RBP3: variants seen among roughly 807,000 people sequenced by gnomAD.
RBP3 encodes the protein retinol-binding protein 3.
RBP3 carries 50 observed loss-of-function variants against 64.8 expected under a neutral mutation model. The observed-to-expected ratio is 0.77, with a 90% CI of 0.61 to 0.98. The LOEUF (loss-of-function observed/expected upper bound fraction) is 0.98. RBP3 is among the 50% of genes least tolerant of loss of function. RBP3 has a pLI of 0.00. For missense variants in RBP3, 1,712 were observed against 1,660.5 expected (o/e 1.03, Z -0.54); for synonymous variants, 828 against 730.2 (o/e 1.13, Z -2.16).
Position 47,351,146 on chromosome 10 carries a change from C to A in RBP3, c.2662C>A (p.Pro888Thr). The change falls in exon 1 of 4, where the codon CCC (proline) becomes ACC (threonine). Residue 888 changes from proline (P) to threonine (T), a missense_variant. Coordinates refer to ENST00000584701, the MANE Select transcript of RBP3 (RefSeq NM_002900.3). ...SVGIYQVGSSPLYASMPTQMA... is the reference protein window; with the variant it reads ...SVGIYQVGSSTLYASMPTQMA... ...GGGCATCTACCAGGTGGGCAGCAGC[C>A]CCTTATATGCATCCATGCCCACCCA... The A allele has an allele frequency of 6.2e-7, 1 of 1,613,058 alleles. No individual in the cohort carries two copies. Among genetic ancestry groups the A allele is most frequent in the South Asian group, 1.1e-5 (1 of 91,082 alleles).
In RBP3 at chr10:47,349,990, C is replaced by G; in HGVS notation, c.1506C>G (p.Gly502=). 6.2e-7 allele frequency: 1 copy of G among 1,612,914 alleles called. No individual in the cohort carries two copies. Among genetic ancestry groups the G allele is most frequent in the South Asian group, 1.1e-5 (1 of 91,036 alleles). ...LLSYFQGPEA[G]PVHLFTTYDR... ...CCTACTTCCAGGGCCCTGAGGCCGG[C>G]CCCGTGCACCTCTTCACCACCTATG... Residue 502 remains glycine, a synonymous_variant, in exon 1 of 4, where the codon GGC becomes GGG. Transcript: ENST00000584701.
rs1555211323 is a variant in RBP3, at chr10:47,350,263, G to T, written c.1779G>T (p.Val593=). Residue 593 remains valine, a synonymous_variant, in exon 1 of 4, where the codon GTG becomes GTT. Transcript: ENST00000584701. ...CCGAAGGCAGCCTCGCGCTCACCGTGCCGGTCCTCACCTTCATCGACAATC... is the reference window on the plus strand; with the variant it reads ...CCGAAGGCAGCCTCGCGCTCACCGTTCCGGTCCTCACCTTCATCGACAATC... ...DTPEGSLALT[V]PVLTFIDNHG... is the part of the protein sequence containing the mutation. 6.2e-6 allele frequency: 10 copies of T among 1,607,606 alleles called. No individual in the cohort carries two copies. Among genetic ancestry groups the T allele is most frequent in the Non-Finnish European group, 8.5e-6 (10 of 1,179,924 alleles).
chr10:47,353,458 T>C lies in RBP3; in HGVS notation c.3188T>C (p.Leu1063Pro). 2 of 1,614,186 alleles carry C rather than the reference T, an allele frequency of 1.2e-6. No homozygotes were observed. Among genetic ancestry groups the C allele is most frequent in the Non-Finnish European group, 1.7e-6 (2 of 1,180,050 alleles). Reference sequence around the variant, plus strand: ...CTGCTCACCCAGGTCTCCAGGCTGCTGGTGGAGCACATCTGGAAGAAGATC... The same window carrying C: ...CTGCTCACCCAGGTCTCCAGGCTGCCGGTGGAGCACATCTGGAAGAAGATC... ...GELLTQVSRL[L>P]VEHIWKKIMH... The change falls in exon 2 of 4, where the codon CTG (leucine) becomes CCG (proline). Residue 1063 changes from leucine to proline, a missense_variant. Physicochemically the swap from Leu to Pro is moderately conservative, Grantham distance 98. Transcript: ENST00000584701.
rs140364343 is a variant in RBP3, at chr10:47,350,857, G to A, written c.2373G>A (p.Thr791=). The change falls in exon 1 of 4, where the codon ACG becomes ACA. Residue 791 remains threonine, a synonymous_variant. Coordinates refer to ENST00000584701, the MANE Select transcript of RBP3 (RefSeq NM_002900.3). ...DLRYNPGSYS[T]AIPLLCSYFF... ...GCTACAACCCTGGCAGCTACTCCACGGCCATCCCGCTGCTCTGCTCCTACT... is the reference window on the plus strand; with the variant it reads ...GCTACAACCCTGGCAGCTACTCCACAGCCATCCCGCTGCTCTGCTCCTACT... 1.2e-5 allele frequency: 19 copies of A among 1,612,932 alleles called. No homozygotes were observed. Among genetic ancestry groups the A allele is most frequent in the South Asian group, 5.5e-5 (5 of 91,058 alleles).
At chr10:47,355,133 T>C (rs554322738) in intron 2 of RBP3, among the ~76,000 whole-genome samples, 2 of 152,316 alleles carry the variant, frequency 1.3e-5, no homozygotes, top group African/African-American at 4.8e-5. Flanking sequence ...ATGTATTAAT[T>C]ACATAGCAGA....
intron 2 of RBP3, 68 bp downstream of exon 2, chr10:47,353,583 G>A (rs1443924345): frequency 4.5e-6 from 7 of 1,571,336 alleles, no homozygotes; most frequent in Admixed American, 1.7e-5. Context: ...CAAAGCTATG[G>A]GCCACAGCAG....
intron 1 of RBP3, among the ~76,000 whole-genome samples, chr10:47,352,928 G>A (rs891811452): frequency 1.3e-4 from 20 of 152,168 alleles, no homozygotes; most frequent in Admixed American, 1.1e-3. Flanking sequence ...ATGATGATAA[G>A]CTCTACAAAG....
At position 47,350,328 on chromosome 10, in the gene RBP3, C is replaced by A. The variant is rs368920246; in HGVS notation, c.1844C>A (p.Ala615Asp). The part of the protein sequence containing the change: ...AWLGGGVVPD[A>D]IVLAEEALDK... ...CTGGGTGGTGGAGTGGTGCCCGATG[C>A]CATCGTGCTGGCCGAGGAGGCCCTG... The change falls in exon 1 of 4, where the codon GCC (alanine) becomes GAC (aspartate). Residue 615 changes from alanine to aspartate, a missense_variant. Transcript: ENST00000584701. 9.3e-6 allele frequency: 15 copies of A among 1,611,120 alleles called. No homozygotes were observed. The highest frequency in any genetic ancestry group is 1.3e-5 in the Non-Finnish European group (15 of 1,179,948).
At position 47,350,449 on chromosome 10, in the gene RBP3, G is replaced by C. The variant is rs781913850; in HGVS notation, c.1965G>C (p.Glu655Asp). The C allele has an allele frequency of 6.2e-7, 1 of 1,612,370 alleles. No homozygotes were observed. The highest frequency in any genetic ancestry group is 8.5e-7 in the Non-Finnish European group (1 of 1,179,912). ...TGGAGGCCCACTATGCTCGGCCAGA[G>C]GTCGTGGGGCAGACCAGTGCCCTCC... is the stretch of plus-strand genomic sequence containing the variant. ...HLLEAHYARP[E>D]VVGQTSALLR... The change falls in exon 1 of 4, where the codon GAG (glutamate) becomes GAC (aspartate). Residue 655 changes from glutamate (E) to aspartate (D), a missense_variant. Coordinates refer to ENST00000584701, the MANE Select transcript of RBP3 (RefSeq NM_002900.3).
Position 47,355,224 on chromosome 10 carries a change from A to G in RBP3, c.3246-152A>G, listed in dbSNP as rs1474862744. 5 of 824,814 alleles carry G rather than the reference A, an allele frequency of 6.1e-6. No homozygotes were observed. In the African/African-American group the frequency reaches 6.9e-5, roughly 11 times the overall value. 51.1% of individuals were successfully genotyped at this position (824,814 alleles called of 1,614,324 possible). A position where few individuals can be genotyped will look rare whatever the true frequency, so the allele number is the denominator to read the frequency against. ...CTTGGAAATACTCTGGAAAATGCCA[A>G]CCCATGGAATTCTAAAGGAGGAAGA... is the stretch of plus-strand genomic sequence containing the variant. On this transcript the variant is annotated intron_variant, in intron 2 of 3. Transcript: ENST00000584701.
In RBP3 at chr10:47,353,403, T is replaced by C. The variant is rs1555211788; in HGVS notation, c.3133T>C (p.Leu1045=). ...CGTGCTTGAGGACAACATTGGCTAC[T>C]TGAGGTTTGACATGTTTGGGGACGG... ...TNVLEDNIGY[L]RFDMFGDGEL... is the part of the protein sequence containing the mutation. Residue 1045 remains leucine, a synonymous_variant, in exon 2 of 4, where the codon TTG becomes CTG. Transcript: ENST00000584701. The C allele has an allele frequency of 6.2e-7, 1 of 1,614,140 alleles. No homozygotes were observed. The highest frequency in any genetic ancestry group is 1.1e-5 in the South Asian group (1 of 91,082).
rs782185854 is a variant in RBP3, at chr10:47,357,339, T to C, written c.3626T>C (p.Val1209Ala). Reference sequence around the variant, plus strand: ...TCGGATGGCAGCTCCTGGGAAGGGGTGGGGGTGACACCCCATGTGGTTGTC... The same window carrying C: ...TCGGATGGCAGCTCCTGGGAAGGGGCGGGGGTGACACCCCATGTGGTTGTC... ...GASDGSSWEGVGVTPHVVVPA... is the reference protein window; with the variant it reads ...GASDGSSWEGAGVTPHVVVPA... Residue 1209 changes from valine to alanine, a missense_variant, in exon 4 of 4, where the codon GTG (valine) becomes GCG (alanine). Val to Ala is a moderately conservative substitution (Grantham distance 64). Coordinates refer to ENST00000584701, the MANE Select transcript of RBP3 (RefSeq NM_002900.3). 6.2e-7 allele frequency: 1 copy of C among 1,613,856 alleles called. No individual in the cohort carries two copies. The highest frequency in any genetic ancestry group is 8.5e-7 in the Non-Finnish European group (1 of 1,179,972).
rs200626545 is a variant in RBP3, at chr10:47,349,816, C to G, written c.1332C>G (p.Phe444Leu). The G allele has an allele frequency of 1.2e-6, 2 of 1,613,194 alleles. No homozygotes were observed. Among genetic ancestry groups the G allele is most frequent in the East Asian group, 2.2e-5 (1 of 44,868 alleles). ...VLPGNVGYLR[F>L]DSFADASVLG... Reference sequence around the variant, plus strand: ...CAGGCAATGTGGGCTACCTGCGCTTCGATAGTTTTGCTGACGCCTCCGTCC... The same window carrying G: ...CAGGCAATGTGGGCTACCTGCGCTTGGATAGTTTTGCTGACGCCTCCGTCC... The change falls in exon 1 of 4, where the codon TTC becomes TTG. Residue 444 changes from phenylalanine (F) to leucine (L), a missense_variant. Physicochemically the swap from Phe to Leu is conservative, Grantham distance 22. Transcript: ENST00000584701.
At chr10:47,356,974 G>T (rs1054266117) in intron 3 of RBP3, 128 bp from the exon 4 acceptor site, 1 of 768,778 alleles carries the variant, frequency 1.3e-6, no homozygotes, top group South Asian at 1.7e-5. Context: ...TGGCTCACAA[G>T]TGGACACAAG....
intron 3 of RBP3, among the ~76,000 whole-genome samples, chr10:47,356,560 G>C (rs1555211989): frequency 6.6e-6 from 1 of 152,194 alleles, no homozygotes; most frequent in Non-Finnish European, 1.5e-5. Flanking sequence ...TGAAAAGAAT[G>C]TATTTTGGAT....
Position 47,349,103 on chromosome 10 carries a change from A to G in RBP3, c.619A>G (p.Thr207Ala). 1.9e-6 allele frequency: 3 copies of G among 1,613,948 alleles called. 1 individual carries two copies. Among genetic ancestry groups the G allele is most frequent in the South Asian group, 2.2e-5 (2 of 91,080 alleles). The change falls in exon 1 of 4, where the codon ACC becomes GCC. Residue 207 changes from threonine to alanine, a missense_variant. Thr to Ala is a moderately conservative substitution (Grantham distance 58). Transcript: ENST00000584701. ...TATCTACAACCGCCCCTCCAACACC[A>G]CCACGGAGATCTGGACCTTGCCCCA... ...DTIYNRPSNT[T>A]TEIWTLPQVL...
chr10:47,348,626 A>G lies in RBP3; in HGVS notation c.142A>G (p.Met48Val). Reference sequence around the variant, plus strand: ...CTGCTTCCCGGAGAACCTGCTGGGCATGCAGGAAGCCATCCAGCAGGCCAT... The same window carrying G: ...CTGCTTCCCGGAGAACCTGCTGGGCGTGCAGGAAGCCATCCAGCAGGCCAT... ...NYCFPENLLG[M>V]QEAIQQAIKS... is the part of the protein sequence containing the mutation. The change falls in exon 1 of 4, where the codon ATG (methionine) becomes GTG (valine). Residue 48 changes from methionine (M) to valine (V), a missense_variant. By Grantham distance (21) the Met-to-Val change is conservative. Coordinates refer to ENST00000584701, the MANE Select transcript of RBP3 (RefSeq NM_002900.3). 1.2e-6 allele frequency: 2 copies of G among 1,613,496 alleles called. No individual in the cohort carries two copies. Among genetic ancestry groups the G allele is most frequent in the Non-Finnish European group, 1.7e-6 (2 of 1,180,022 alleles).
rs782656430 is a variant in RBP3, at chr10:47,351,440, G to C, written c.2956G>C (p.Gly986Arg). The C allele has an allele frequency of 6.2e-7, 1 of 1,613,794 alleles. No individual in the cohort carries two copies. Among genetic ancestry groups the C allele is most frequent in the Non-Finnish European group, 8.5e-7 (1 of 1,180,038 alleles). The change falls in exon 1 of 4, where the codon GGG (glycine) becomes CGG (arginine). Residue 986 changes from glycine (G) to arginine (R), a missense_variant. By Grantham distance (125) the Gly-to-Arg change is moderately radical. Transcript: ENST00000584701. ...AGAAGTGGCCCTAGCCGAGATCCTG[G>C]GGGCTGACCTGCAGATGCTCTCCGG... ...TSEVALAEIL[G>R]ADLQMLSGDP...
chr10:47,354,873 G>C (rs1555211880), intron 2 of RBP3, among the ~76,000 whole-genome samples: 2 of 152,140 alleles, frequency 1.3e-5, no homozygotes, highest in African/African-American at 4.8e-5. Context: ...AGGCTCCCCT[G>C]CTCCCAATGC....
Sources: allele counts gnomAD v4.1 joint callset (sites outside exome capture counted in the v4.1 genomes callset), GRCh38; gene constraint gnomAD v4.1.1; transcripts MANE v1.5; gene names NCBI Gene and HGNC (gene_info 2026-07-23, HGNC 2026-07-21).